TMEM44: variants seen among roughly 807,000 people sequenced by gnomAD.
TMEM44 encodes the protein transmembrane protein 44.
In TMEM44, 43 loss-of-function variants were observed where a neutral mutation model predicts 47.8. The observed-to-expected ratio is 0.90, with a 90% CI of 0.70 to 1.16. TMEM44 has a LOEUF of 1.16. Ranked by LOEUF, TMEM44 falls within the 50% of genes most tolerant of loss-of-function variation. The pLI is 0.00. For synonymous variants in TMEM44, 277 were observed against 238.8 expected (o/e 1.16, Z -1.48); for missense variants, 568 against 555.2 (o/e 1.02, Z -0.23).
At position 194,628,449 on chromosome 3, in the gene TMEM44, C is replaced by T. The variant is rs1563970; in HGVS notation, c.198G>A (p.Ala66=). The change falls in exon 2 of 10, where the codon GCG becomes GCA. Residue 66 remains alanine (A), a synonymous_variant. Transcript: ENST00000347147. ...PRQDQSALCA[A]CCLLTSLCDT... ...CACACAGACTGGTCAGGAGGCAGCA[C>T]GCAGCACACAGTGCCGACTGGTCCT... The T allele has an allele frequency of 0.34, 553,461 of 1,612,118 alleles. 97,370 individuals carry two copies. The highest frequency in any genetic ancestry group is 0.47 in the East Asian group (21,070 of 44,822).
chr3:194,632,862 G>T, intron 1 of TMEM44: 1 of 807,972 alleles, frequency 1.2e-6, no homozygotes, highest in South Asian at 1.9e-5. Flanking sequence ...GCACCACCCA[G>T]CCTCCTCCCT....
chr3:194,612,720 A>G (rs1715451866), intron 7 of TMEM44, among the ~76,000 whole-genome samples: 2 of 152,232 alleles, frequency 1.3e-5, no homozygotes, highest in South Asian at 2.1e-4. Context: ...GCTGGAGTGC[A>G]GTGGCGGGAT....
At chr3:194,596,684 G>A (rs777176988) in intron 9 of TMEM44, among the ~76,000 whole-genome samples, 7 of 152,062 alleles carry the variant, frequency 4.6e-5, no homozygotes, top group Non-Finnish European at 8.8e-5. Context: ...TCAGCTACTC[G>A]GGAGGCTGAG....
Position 194,598,837 on chromosome 3 carries a change from T to C in TMEM44, c.1176+5450A>G, listed in dbSNP as rs199515872. Among the ~76,000 whole-genome samples the C allele has an allele frequency of 2.5e-3, 388 of 152,186 alleles. 1 individual carries two copies. The highest frequency in any genetic ancestry group is 3.9e-3 in the Non-Finnish European group (265 of 68,006). ...TAAGGTGCCAAATCAGAAAGGACCA[T>C]AGATAAGGTAAACACGTCACCTTAA... On this transcript the variant is annotated intron_variant, in intron 9 of 9. Coordinates refer to ENST00000347147, the MANE Select transcript of TMEM44 (RefSeq NM_001011655.3).
chr3:194,633,308 T>A lies in TMEM44; in HGVS notation c.-93A>T. 1 of 513,622 alleles carries A rather than the reference T, an allele frequency of 1.9e-6. No individual in the cohort carries two copies. The highest frequency in any genetic ancestry group is 2.5e-6 in the Non-Finnish European group (1 of 394,514). The allele number at this position is 513,622 out of a possible 1,614,324, so 31.8% of individuals were successfully genotyped here. A position where few individuals can be genotyped will look rare whatever the true frequency, so the allele number is the denominator to read the frequency against. Reference sequence around the variant, plus strand: ...CGAGCGCCGCCGCCCCGCGTGCCCTTCTCTGGGTTCCGTTCCGCCGCGGCG... The same window carrying A: ...CGAGCGCCGCCGCCCCGCGTGCCCTACTCTGGGTTCCGTTCCGCCGCGGCG... On this transcript the variant is annotated 5_prime_UTR_variant, in exon 1 of 10. Coordinates refer to ENST00000347147, the MANE Select transcript of TMEM44 (RefSeq NM_001011655.3).
chr3:194,623,629 G>GC lies in TMEM44; in HGVS notation c.424_425insG (p.Pro142ArgfsTer38). 3 of 1,612,602 alleles carry GC rather than the reference G, an allele frequency of 1.9e-6. No homozygotes were observed. Among genetic ancestry groups the GC allele is most frequent in the Non-Finnish European group, 2.5e-6 (3 of 1,179,756 alleles). ...AGCCCAGCACGGGCCCAGGCTCAGC[G>GC]GCAGGGCCAGGGCAAACACACTGGC... On this transcript the variant is annotated frameshift_variant, in exon 4 of 10. Coordinates refer to ENST00000347147, the MANE Select transcript of TMEM44 (RefSeq NM_001011655.3). LOFTEE classifies it high-confidence loss of function.
At chr3:194,631,189 T>C (rs538101799) in intron 1 of TMEM44, among the ~76,000 whole-genome samples, 34 of 151,136 alleles carry the variant, frequency 2.2e-4, no homozygotes, top group Non-Finnish European at 1.2e-4. Flanking sequence ...GCGTCACTGA[T>C]AGGGCCTCTG....
chr3:194,630,073 C>T (rs1163355175), intron 1 of TMEM44, among the ~76,000 whole-genome samples: 4 of 106,548 alleles, frequency 3.8e-5, no homozygotes, highest in Non-Finnish European at 7.4e-5. Flanking sequence ...AATACGCTGT[C>T]GTACCTGCCT....
chr3:194,604,257 G>T, intron 9 of TMEM44, 30 bp downstream of exon 9: 1 of 1,566,002 alleles, frequency 6.4e-7, no homozygotes, highest in Non-Finnish European at 8.6e-7. Context: ...TGGCACCCAC[G>T]CACCCGCCCA....
chr3:194,621,421 T>A (rs1577212507), intron 5 of TMEM44, among the ~76,000 whole-genome samples: 1 of 152,226 alleles, frequency 6.6e-6, no homozygotes, highest in South Asian at 2.1e-4. Flanking sequence ...CTACCGGCGG[T>A]CAGGGCACGG....
intron 9 of TMEM44, among the ~76,000 whole-genome samples, chr3:194,596,687 A>G (rs977829921): frequency 9.2e-5 from 14 of 152,164 alleles, no homozygotes; most frequent in African/African-American, 3.4e-4. Context: ...GCTACTCGGG[A>G]GGCTGAGGCA....
intron 9 of TMEM44, among the ~76,000 whole-genome samples, chr3:194,590,803 AGC>A (rs1222388039): frequency 6.6e-6 from 1 of 152,122 alleles, no homozygotes; most frequent in African/African-American, 2.4e-5. Context: ...CCACTGCTCG[AGC>A]TTCTTAAATG....
intron 8 of TMEM44, among the ~76,000 whole-genome samples, chr3:194,605,467 G>C (rs571551731): frequency 6.6e-6 from 1 of 152,202 alleles, no homozygotes; most frequent in East Asian, 1.9e-4. Flanking sequence ...CACATGGCTG[G>C]GGAGGCCTCA....
rs1712056206 is a variant in TMEM44 at position 194,587,960 on chromosome 3, A to T, written c.*569T>A. ...TTGCTTTGTTTTTGCAGTGTCAGTG[A>T]TCTCACAAGCACTTGGTTGGCCACA... On this transcript the variant is annotated 3_prime_UTR_variant, in exon 10 of 10. Transcript: ENST00000347147. 6.6e-6 allele frequency: 1 copy of T among 152,546 alleles called. No homozygotes were observed. The highest frequency in any genetic ancestry group is 1.5e-5 in the Non-Finnish European group (1 of 68,324). 9.4% of individuals were successfully genotyped at this position (152,546 alleles called of 1,614,324 possible).
chr3:194,604,237 C>T (rs970978015), intron 9 of TMEM44, 50 bp downstream of exon 9: 45 of 1,553,130 alleles, frequency 2.9e-5, no homozygotes, highest in Non-Finnish European at 3.6e-5. Flanking sequence ...CAGCAAGTGT[C>T]GGCGAACGAT....
intron 9 of TMEM44, among the ~76,000 whole-genome samples, chr3:194,603,214 C>A (rs1426405205): frequency 6.6e-6 from 1 of 152,218 alleles, no homozygotes; most frequent in Non-Finnish European, 1.5e-5. Context: ...TGTGTGTGAT[C>A]CAAGCTGTGA....
At chr3:194,621,385 T>C (rs1256740809) in intron 5 of TMEM44, among the ~76,000 whole-genome samples, 2 of 152,178 alleles carry the variant, frequency 1.3e-5, no homozygotes, top group East Asian at 3.9e-4. Context: ...TTAGTGGCAC[T>C]TTGTTACGAC....
intron 9 of TMEM44, 73 bp from the exon 10 acceptor site, chr3:194,588,712 C>T (rs1712177010): frequency 3.6e-6 from 5 of 1,400,314 alleles, no homozygotes; most frequent in Non-Finnish European, 5.0e-6. Context: ...ACCCCTGACC[C>T]AAACAAAAGC....
At chr3:194,600,761 A>G (rs9873007) in intron 9 of TMEM44, among the ~76,000 whole-genome samples, 64,102 of 150,488 alleles carry the variant, frequency 0.43, 14,376 homozygotes, top group East Asian at 0.77. Flanking sequence ...AAAAGAAAAA[A>G]AAGAAGAAGA....
Sources: gnomAD v4.1 joint callset for allele counts (sites outside exome capture counted in the v4.1 genomes callset) on GRCh38, gnomAD v4.1.1 for gene constraint, MANE v1.5 for transcripts, NCBI Gene and HGNC (gene_info 2026-07-23, HGNC 2026-07-21) for gene names.